The following SLC1A1 variants were observed in gnomAD, a reference collection of about 807,000 sequenced individuals.
SLC1A1 encodes solute carrier family 1 member 1.
A neutral mutation model predicts 53.3 loss-of-function variants in SLC1A1; 43 were observed. That is an observed-to-expected ratio of 0.81 (90% CI 0.63 to 1.04). The LOEUF (loss-of-function observed/expected upper bound fraction) is 1.04, where lower values mean the gene tolerates loss of function less well. Among genes scored for constraint, SLC1A1 ranks in the 50% least tolerant of loss-of-function variants. The pLI, the probability that SLC1A1 is intolerant of heterozygous loss-of-function variation, is 0.00. For missense variants in SLC1A1, 748 were observed against 664.9 expected (o/e 1.12, Z -1.37); for synonymous variants, 307 against 243.2 (o/e 1.26, Z -2.44).
chr9:4,536,723 G>T (rs1393211930), intron 1 of SLC1A1, among the ~76,000 whole-genome samples: 1 of 152,144 alleles, frequency 6.6e-6, no homozygotes, highest in Non-Finnish European at 1.5e-5. Context: ...AAATCATGCT[G>T]CCATAAAGAC....
chr9:4,582,252 T>G (rs927523625), intron 10 of SLC1A1, among the ~76,000 whole-genome samples: 14 of 152,220 alleles, frequency 9.2e-5, no homozygotes, highest in African/African-American at 3.1e-4. Flanking sequence ...CCAAGAGGGA[T>G]CTTTTTAAAT....
chr9:4,569,688 T>A (rs1486377614), intron 6 of SLC1A1, among the ~76,000 whole-genome samples: 1 of 152,222 alleles, frequency 6.6e-6, no homozygotes, highest in Non-Finnish European at 1.5e-5. Context: ...AAGCCTTAAC[T>A]CCTCTGGCTG....
intron 1 of SLC1A1, among the ~76,000 whole-genome samples, chr9:4,512,935 A>G (rs769019236): frequency 2.6e-5 from 4 of 152,076 alleles, no homozygotes; most frequent in South Asian, 2.1e-4. Context: ...TGGCCCTCCA[A>G]TTGATTTTTG....
intron 2 of SLC1A1, among the ~76,000 whole-genome samples, chr9:4,557,192 G>A (rs140601270): frequency 2.4e-4 from 36 of 152,266 alleles, no homozygotes; most frequent in Non-Finnish European, 4.1e-4. Context: ...ACAAACATTC[G>A]TAGAGCACCT....
chr9:4,575,431 C>T (rs149550578), intron 8 of SLC1A1, among the ~76,000 whole-genome samples: 3 of 152,254 alleles, frequency 2.0e-5, no homozygotes, highest in Non-Finnish European at 2.9e-5. Context: ...TTTTTCCTTA[C>T]TGTAACTCTG....
intron 6 of SLC1A1, among the ~76,000 whole-genome samples, chr9:4,568,311 G>A (rs756744011): frequency 3.3e-5 from 5 of 151,932 alleles, no homozygotes; most frequent in African/African-American, 4.8e-5. Context: ...CCAGCTACTC[G>A]GGAGGCTGAA....
At chr9:4,572,887 A>G (rs1820193243) in intron 7 of SLC1A1, among the ~76,000 whole-genome samples, 1 of 152,172 alleles carries the variant, frequency 6.6e-6, no homozygotes, top group Non-Finnish European at 1.5e-5. Flanking sequence ...ATTACCCAGG[A>G]GTTAGTTCAT....
chr9:4,546,937 C>G (rs1031371671), intron 2 of SLC1A1, among the ~76,000 whole-genome samples: 12 of 152,164 alleles, frequency 7.9e-5, no homozygotes, highest in African/African-American at 2.9e-4. Flanking sequence ...ACCTGATGAG[C>G]AATACTATTG....
rs748205874 is a variant in SLC1A1, at chr9:4,585,504, C to A, written c.1521C>A (p.Gly507=). The stretch of plus-strand genomic sequence containing the variant: ...CCAAGAAGTCTTATGTCAATGGAGG[C>A]TTTGCAGTAGACAAGTCTGACACCA... ...SDTKKSYVNG[G]FAVDKSDTIS... Residue 507 remains glycine (G), a synonymous_variant, in exon 12 of 12, where the codon GGC becomes GGA. Transcript: ENST00000262352. 5.0e-6 allele frequency: 8 copies of A among 1,614,214 alleles called. No homozygotes were observed. Among genetic ancestry groups the A allele is most frequent in the Non-Finnish European group, 6.8e-6 (8 of 1,180,024 alleles).
chr9:4,544,530 G>A, intron 1 of SLC1A1, 37 bp from the exon 2 acceptor site: 5 of 1,604,038 alleles, frequency 3.1e-6, no homozygotes, highest in African/African-American at 1.3e-5. Flanking sequence ...ACTCAATAAT[G>A]TTCCTCTTCC....
At chr9:4,534,288 G>A (rs183273372) in intron 1 of SLC1A1, among the ~76,000 whole-genome samples, 1,614 of 152,204 alleles carry the variant, frequency 0.011, 32 homozygotes, top group African/African-American at 0.037. Flanking sequence ...TTTTTGAAAA[G>A]ATCAACAAAA....
intron 10 of SLC1A1, 142 bp downstream of exon 10, chr9:4,576,905 G>C (rs1032767607): frequency 1.6e-5 from 13 of 808,680 alleles, no homozygotes; most frequent in African/African-American, 1.5e-4. Flanking sequence ...GATTAAATAC[G>C]ACTATATCCT....
rs757170835 is a variant in SLC1A1 at position 4,566,025 on chromosome 9, C to A, written c.441-22C>A. 1.9e-6 allele frequency: 3 copies of A among 1,601,650 alleles called. No homozygotes were observed. In the Admixed American group the frequency reaches 5.0e-5, roughly 27 times the overall value. ...CAATACTTTTTGCCCTAACATAATACTGCCTTTTATGTCTCCAACAGGAAT... is the reference window on the plus strand; with the variant it reads ...CAATACTTTTTGCCCTAACATAATAATGCCTTTTATGTCTCCAACAGGAAT... On this transcript the variant is annotated intron_variant, in intron 4 of 11. Transcript: ENST00000262352.
At chr9:4,540,360 G>C (rs1415941263) in intron 1 of SLC1A1, among the ~76,000 whole-genome samples, 1 of 152,052 alleles carries the variant, frequency 6.6e-6, no homozygotes, top group African/African-American at 2.4e-5. Context: ...CCAAACAAGA[G>C]CTCGGGTGCC....
intron 10 of SLC1A1, among the ~76,000 whole-genome samples, chr9:4,578,429 T>A (rs1820761646): frequency 6.6e-6 from 1 of 152,110 alleles, no homozygotes; most frequent in African/African-American, 2.4e-5. Flanking sequence ...ATGGATGACA[T>A]GACGTAGGGA....
At chr9:4,574,609 T>C (rs533934077) in intron 8 of SLC1A1, among the ~76,000 whole-genome samples, 2 of 152,096 alleles carry the variant, frequency 1.3e-5, no homozygotes, top group Non-Finnish European at 2.9e-5. Context: ...GGTTGGGTAG[T>C]TTCCATATTT....
intron 8 of SLC1A1, among the ~76,000 whole-genome samples, chr9:4,575,152 C>T (rs942947890): frequency 6.6e-6 from 1 of 152,202 alleles, no homozygotes; most frequent in Admixed American, 6.5e-5. Context: ...TGGTTTTTAG[C>T]TACAAGCTCT....
At chr9:4,511,664 A>G (rs916428804) in intron 1 of SLC1A1, among the ~76,000 whole-genome samples, 3 of 152,076 alleles carry the variant, frequency 2.0e-5, no homozygotes, top group African/African-American at 7.2e-5. Flanking sequence ...AAGAGCAGGA[A>G]TAAGGCAAAG....
chr9:4,522,177 G>A (rs187970470), intron 1 of SLC1A1, among the ~76,000 whole-genome samples: 313 of 150,274 alleles, frequency 2.1e-3, no homozygotes, highest in African/African-American at 7.3e-3. Flanking sequence ...TAAGCCTCCC[G>A]AGTAGCTGGG....
Sources: allele counts gnomAD v4.1 joint callset (sites outside exome capture counted in the v4.1 genomes callset), GRCh38; gene constraint gnomAD v4.1.1; transcripts MANE v1.5; gene names NCBI Gene and HGNC (gene_info 2026-07-23, HGNC 2026-07-21).